RIMS1: variants seen among roughly 807,000 people sequenced by gnomAD.
RIMS1 encodes regulating synaptic membrane exocytosis protein 1.
In RIMS1, 83 loss-of-function variants were observed where a neutral mutation model predicts 214.1. That is an observed-to-expected ratio of 0.39 (90% CI 0.32 to 0.47). The LOEUF (loss-of-function observed/expected upper bound fraction) is 0.47, where lower values mean the gene tolerates loss of function less well. RIMS1 is among the 20% of genes least tolerant of loss of function. RIMS1 has a pLI of 0.99. For synonymous variants in RIMS1, 793 were observed against 786.8 expected (o/e 1.01, Z -0.13); for missense variants, 2,050 against 2,161.8 (o/e 0.95, Z 1.03).
Position 72,259,051 on chromosome 6 carries a change from G to A in RIMS1, c.2993G>A (p.Arg998Gln), listed in dbSNP as rs1414432029. 42 of 1,612,152 alleles carry A rather than the reference G, an allele frequency of 2.6e-5. No individual in the cohort carries two copies. Among genetic ancestry groups the A allele is most frequent in the South Asian group, 5.5e-5 (5 of 91,064 alleles). ...RSPTRHHDAS[R>Q]SPVDHRTRDV... ...CCAACCAGACACCATGATGCCTCCC[G>A]AAGTCCAGTTGATCATAGAACCAGA... Residue 998 changes from arginine (R) to glutamine (Q), a missense_variant, in exon 18 of 34, where the codon CGA becomes CAA. By Grantham distance (43) the Arg-to-Gln change is conservative (BLOSUM62 1). This residue lies in a region of RIMS1 where 889 missense variants were observed against 885.5 expected (regional missense o/e 1.00). Coordinates refer to ENST00000521978, the MANE Select transcript of RIMS1 (RefSeq NM_014989.7).
chr6:72,268,154 G>A (rs559519732), intron 22 of RIMS1, among the ~76,000 whole-genome samples: 8 of 152,136 alleles, frequency 5.3e-5, no homozygotes, highest in Non-Finnish European at 1.0e-4. Context: ...GAGACTACAA[G>A]TACCCTTTGT....
chr6:72,137,231 ATT>A (rs2041434668), intron 4 of RIMS1, among the ~76,000 whole-genome samples: 1 of 152,070 alleles, frequency 6.6e-6, no homozygotes, highest in Non-Finnish European at 1.5e-5. Context: ...TTGTGCATAT[ATT>A]CTTAGTAGCA....
intron 2 of RIMS1, among the ~76,000 whole-genome samples, chr6:71,983,162 C>T (rs1048235586): frequency 3.5e-5 from 5 of 143,980 alleles, no homozygotes; most frequent in Non-Finnish European, 7.6e-5. Flanking sequence ...TTTGGTTATA[C>T]CTGCCTTCCT....
At chr6:71,983,468 CT>C (rs1799026138) in intron 2 of RIMS1, among the ~76,000 whole-genome samples, 1 of 151,944 alleles carries the variant, frequency 6.6e-6, no homozygotes, top group South Asian at 2.1e-4. Flanking sequence ...TTGACATAAA[CT>C]TGATTTTTTT....
intron 6 of RIMS1, among the ~76,000 whole-genome samples, chr6:72,205,114 A>T (rs1216786355): frequency 1.3e-5 from 2 of 152,156 alleles, no homozygotes; most frequent in Non-Finnish European, 2.9e-5. Flanking sequence ...TAATTATTTT[A>T]GTAATTTGGA....
chr6:71,939,266 T>C (rs1785339414), intron 1 of RIMS1, among the ~76,000 whole-genome samples: 1 of 152,192 alleles, frequency 6.6e-6, no homozygotes, highest in African/African-American at 2.4e-5. Context: ...ACTCAAGTAA[T>C]CTTTAAGAAG....
chr6:72,159,358 G>A (rs1462737894), intron 4 of RIMS1, among the ~76,000 whole-genome samples: 2 of 140,180 alleles, frequency 1.4e-5, no homozygotes, highest in Non-Finnish European at 3.2e-5. Context: ...TGTTCACTCT[G>A]ACGGTAGTTT....
At chr6:72,236,711 G>A (rs968327131) in intron 8 of RIMS1, among the ~76,000 whole-genome samples, 5 of 148,144 alleles carry the variant, frequency 3.4e-5, no homozygotes, top group African/African-American at 1.0e-4. Context: ...GCTTCCCTGA[G>A]CAACATTGGA....
At chr6:72,296,376 A>G (rs1684190754) in intron 26 of RIMS1, among the ~76,000 whole-genome samples, 1 of 151,972 alleles carries the variant, frequency 6.6e-6, no homozygotes, top group African/African-American at 2.4e-5. Flanking sequence ...TACTTTCCAG[A>G]TAGTGGTAAC....
At chr6:72,346,932 G>A (rs945754630) in intron 29 of RIMS1, among the ~76,000 whole-genome samples, 2 of 151,700 alleles carry the variant, frequency 1.3e-5, no homozygotes, top group Admixed American at 1.3e-4. Context: ...CTTAAGGTCT[G>A]CTGTAGGCCA....
intron 29 of RIMS1, among the ~76,000 whole-genome samples, chr6:72,334,505 T>C (rs1172882757): frequency 6.6e-6 from 1 of 151,888 alleles, no homozygotes; most frequent in East Asian, 1.9e-4. Flanking sequence ...TTGTAAAATA[T>C]AACAAAACAC....
intron 1 of RIMS1, among the ~76,000 whole-genome samples, chr6:71,961,815 G>C (rs1034979305): frequency 6.6e-6 from 1 of 152,028 alleles, no homozygotes; most frequent in Non-Finnish European, 1.5e-5. Context: ...GAAAATTTCT[G>C]GCATTCTAAG....
chr6:72,017,618 T>A (rs2151914957), intron 2 of RIMS1, among the ~76,000 whole-genome samples: 1 of 152,330 alleles, frequency 6.6e-6, no homozygotes, highest in South Asian at 2.1e-4. Flanking sequence ...TGGAAACTGT[T>A]CTGGATTCTA....
intron 29 of RIMS1, among the ~76,000 whole-genome samples, chr6:72,348,249 CAA>C (rs2097332723): frequency 6.6e-6 from 1 of 151,840 alleles, no homozygotes; most frequent in Non-Finnish European, 1.5e-5. Flanking sequence ...CGCTTATACA[CAA>C]ATTTTTTTGT....
At chr6:72,361,969 CTGTATTGTATTGTAT>C (rs71540338) in intron 29 of RIMS1, among the ~76,000 whole-genome samples, 167 of 146,826 alleles carry the variant, frequency 1.1e-3, no homozygotes, top group African/African-American at 2.0e-3. Flanking sequence ...AGGACCATTA[CTGTATTGTATTGTAT>C]TGTATTGTAT....
intron 16 of RIMS1, among the ~76,000 whole-genome samples, chr6:72,253,803 T>G (rs2074536969): frequency 6.6e-6 from 1 of 152,204 alleles, no homozygotes; most frequent in Non-Finnish European, 1.5e-5. Flanking sequence ...GAGAAAATTA[T>G]GGAGAGTTCT....
At chr6:72,010,558 T>C (rs929954123) in intron 2 of RIMS1, among the ~76,000 whole-genome samples, 4 of 152,154 alleles carry the variant, frequency 2.6e-5, no homozygotes, top group Admixed American at 6.6e-5. Flanking sequence ...TTGCAGATGT[T>C]ATAATTGTAT....
At chr6:72,268,235 A>G (rs2081463594) in intron 22 of RIMS1, among the ~76,000 whole-genome samples, 1 of 152,106 alleles carries the variant, frequency 6.6e-6, no homozygotes, top group Non-Finnish European at 1.5e-5. Flanking sequence ...TTATCTTTGG[A>G]GAGTGCATCT....
chr6:71,918,919 A>C (rs1009993406), intron 1 of RIMS1, among the ~76,000 whole-genome samples: 1 of 152,132 alleles, frequency 6.6e-6, no homozygotes, highest in East Asian at 1.9e-4. Context: ...CTGGGCAAGA[A>C]AGAGAGAAGG....
Sources: allele counts gnomAD v4.1 joint callset (sites outside exome capture counted in the v4.1 genomes callset), GRCh38; gene constraint gnomAD v4.1.1; regional missense constraint gnomAD v4.1.1; transcripts MANE v1.5; gene names NCBI Gene and HGNC (gene_info 2026-07-23, HGNC 2026-07-21).